The following XKR9 variants were observed in gnomAD, a reference collection of about 807,000 sequenced individuals.
XKR9 encodes XK-related protein 9.
A neutral mutation model predicts 32.0 loss-of-function variants in XKR9; 32 were observed. The ratio of observed to expected loss-of-function variants is 1.00; its 90% confidence interval spans 0.76 to 1.34. XKR9 has a LOEUF of 1.34. Ranked by LOEUF, XKR9 falls within the 40% of genes most tolerant of loss-of-function variation. The probability of loss-of-function intolerance (pLI) is 0.00; values close to 1 mark genes in which losing one functional copy is unlikely to be tolerated. For synonymous variants in XKR9, 168 were observed against 143.4 expected, an observed-to-expected ratio of 1.17 and a Z score of -1.22; for missense variants, 546 against 429.7, an observed-to-expected ratio of 1.27 and a Z score of -2.39.
At chr8:70,814,489 G>C in the XKR9 span, among the ~76,000 whole-genome samples, 2 of 149,928 alleles carry the variant, frequency 1.3e-5, no homozygotes, top group Admixed American at 1.3e-4. Flanking sequence ...TGAGAAGCAG[G>C]ACAGAAAAAA....
chr8:70,956,719 T>G, the XKR9 span, among the ~76,000 whole-genome samples: 2 of 152,126 alleles, frequency 1.3e-5, no homozygotes, highest in South Asian at 2.1e-4. Flanking sequence ...GGGGCTAGTG[T>G]GTCAGCAGTG....
At chr8:70,908,030 G>A in the XKR9 span, among the ~76,000 whole-genome samples, 1 of 152,122 alleles carries the variant, frequency 6.6e-6, no homozygotes, top group Non-Finnish European at 1.5e-5. Context: ...ACTTTATTAA[G>A]TTAATCTCTG....
the XKR9 span, among the ~76,000 whole-genome samples, chr8:70,802,511 C>T: frequency 6.6e-6 from 1 of 152,142 alleles, no homozygotes; most frequent in Non-Finnish European, 1.5e-5. Context: ...TGGGTTTGAA[C>T]CTGTCATCAT....
At chr8:70,965,008 G>T in the XKR9 span, among the ~76,000 whole-genome samples, 1 of 152,134 alleles carries the variant, frequency 6.6e-6, no homozygotes, top group African/African-American at 2.4e-5. Flanking sequence ...GTGAGAGAGG[G>T]CATCCTTGTG....
At position 70,704,089 on chromosome 8, in the gene XKR9, G is replaced by C. The variant is rs902169293; in HGVS notation, c.273-2844G>C. 1.1e-4 allele frequency among the ~76,000 whole-genome samples: 16 copies of C among 152,220 alleles called. 1 individual carries two copies. The East Asian group carries it at 3.1e-3, about 29-fold the overall frequency. On this transcript the variant is annotated intron_variant, in intron 3 of 4. Transcript: ENST00000408926. Reference sequence around the variant, plus strand: ...CCCAGCTACTCGGGAGGCTGAGGCAGGAGAATGGTGTGAACCCGGGAGGTG... The same window carrying C: ...CCCAGCTACTCGGGAGGCTGAGGCACGAGAATGGTGTGAACCCGGGAGGTG...
chr8:70,805,644 G>A, the XKR9 span, among the ~76,000 whole-genome samples: 1 of 152,206 alleles, frequency 6.6e-6, no homozygotes, highest in Non-Finnish European at 1.5e-5. Context: ...GTGGCAGACT[G>A]GCCAGAGTGC....
At chr8:70,842,224 A>G in the XKR9 span, among the ~76,000 whole-genome samples, 1 of 152,100 alleles carries the variant, frequency 6.6e-6, no homozygotes, top group South Asian at 2.1e-4. Context: ...TGACTTTCAG[A>G]TTATCCCAGA....
At chr8:71,049,139 T>C in the XKR9 span, among the ~76,000 whole-genome samples, 1 of 152,336 alleles carries the variant, frequency 6.6e-6, no homozygotes, top group East Asian at 1.9e-4. Flanking sequence ...TTTTTAACAC[T>C]TGGCAATTCA....
At chr8:70,752,838 A>T (rs1175607598) in intron 2 of XKR9, among the ~76,000 whole-genome samples, 2 of 152,218 alleles carry the variant, frequency 1.3e-5, no homozygotes, top group East Asian at 3.9e-4. Flanking sequence ...TTGACACCCT[A>T]ACATCACAAT....
the XKR9 span, among the ~76,000 whole-genome samples, chr8:70,811,277 A>G: frequency 6.6e-6 from 1 of 152,160 alleles, no homozygotes; most frequent in Non-Finnish European, 1.5e-5. Flanking sequence ...AATCTCTGGG[A>G]CACATTCAAA....
rs563302651 is a variant in XKR9, at chr8:70,728,087, A to G, written c.494-5709A>G. 6.4e-4 allele frequency among the ~76,000 whole-genome samples: 98 copies of G among 152,254 alleles called. 1 individual carries two copies. In the South Asian group the frequency reaches 0.019, roughly 30 times the overall value. On this transcript the variant is annotated intron_variant, in intron 4 of 4. Coordinates refer to ENST00000408926, the MANE Select transcript of XKR9 (RefSeq NM_001011720.2). ...GGAAAGGCCTGTTATCTTTTTTTAA[A>G]CTAGAAACTAGAAACTATGTTCCTC...
At chr8:70,832,350 A>G in the XKR9 span, among the ~76,000 whole-genome samples, 41 of 152,346 alleles carry the variant, frequency 2.7e-4, no homozygotes, top group Middle Eastern at 3.4e-3. Context: ...AAGTAAAAGA[A>G]AAGAGAAATG....
intron 3 of XKR9, among the ~76,000 whole-genome samples, chr8:70,686,250 T>A (rs1819274297): frequency 6.6e-6 from 1 of 150,538 alleles, no homozygotes; most frequent in African/African-American, 2.4e-5. Flanking sequence ...CTTTTTTTTT[T>A]TTTTTTGAGA....
intron 4 of XKR9, among the ~76,000 whole-genome samples, chr8:70,712,082 G>T (rs948910179): frequency 6.6e-6 from 1 of 152,098 alleles, no homozygotes; most frequent in African/African-American, 2.4e-5. Context: ...TTTTATTTCT[G>T]TTCCTTCTGA....
the XKR9 span, among the ~76,000 whole-genome samples, chr8:70,994,733 A>C: frequency 1.6e-4 from 22 of 137,206 alleles, no homozygotes; most frequent in Admixed American, 5.8e-4. Flanking sequence ...CTTAGTTCTT[A>C]GATGTTATAT....
chr8:71,020,681 T>G, the XKR9 span, among the ~76,000 whole-genome samples: 18,119 of 152,240 alleles, frequency 0.12, 1,480 homozygotes, highest in African/African-American at 0.23. Flanking sequence ...TAGTATTTTG[T>G]TATATAATTG....
the XKR9 span, among the ~76,000 whole-genome samples, chr8:70,910,640 C>A: frequency 4.6e-5 from 7 of 152,282 alleles, no homozygotes; most frequent in Admixed American, 2.0e-4. Flanking sequence ...TCTATTGCTG[C>A]CATGATAAAT....
chr8:71,011,617 G>T, the XKR9 span, among the ~76,000 whole-genome samples: 1 of 152,182 alleles, frequency 6.6e-6, no homozygotes, highest in South Asian at 2.1e-4. Flanking sequence ...TTCAGCTAAA[G>T]CAGCTATTGT....
chr8:70,739,791 T>A (rs1468356339), downstream of XKR9, among the ~76,000 whole-genome samples: 1 of 152,218 alleles, frequency 6.6e-6, no homozygotes, highest in African/African-American at 2.4e-5. Flanking sequence ...TGTTGAATAT[T>A]GGCCCCCACT....
Sources: gnomAD v4.1 joint callset for allele counts (sites outside exome capture counted in the v4.1 genomes callset) on GRCh38, gnomAD v4.1.1 for gene constraint, MANE v1.5 for transcripts, NCBI Gene and HGNC (gene_info 2026-07-23, HGNC 2026-07-21) for gene names.